DHX8: variants seen among roughly 807,000 people sequenced by gnomAD.
DHX8 encodes ATP-dependent RNA helicase DHX8.
Under a neutral mutation model 140.7 loss-of-function variants are expected in DHX8, and 67 were observed. That is an observed-to-expected ratio of 0.48 (90% CI 0.39 to 0.58). The LOEUF (loss-of-function observed/expected upper bound fraction) is 0.58. Among genes scored for constraint, DHX8 ranks in the 20% least tolerant of loss-of-function variants. DHX8 has a pLI of 0.00. For missense variants in DHX8, 887 were observed against 1,550.7 expected (o/e 0.57, Z 7.19); for synonymous variants, 533 against 553.2 (o/e 0.96, Z 0.51).
rs148196471 is a variant in DHX8, at chr17:43,494,194, G to A, written c.1212+308G>A. ...TTTTTAAAACCATCAGATCTCATGA[G>A]ACTTACTCACTATCGTGACAACAGC... On this transcript the variant is annotated intron_variant, in intron 8 of 22. Coordinates refer to ENST00000262415, the MANE Select transcript of DHX8 (RefSeq NM_004941.3). Among the ~76,000 whole-genome samples the A allele has an allele frequency of 6.6e-5, 10 of 152,294 alleles. No homozygotes were observed. In the East Asian group the frequency reaches 1.9e-3, roughly 29 times the overall value.
intron 3 of DHX8, among the ~76,000 whole-genome samples, chr17:43,541,820 C>T (rs952790556): frequency 3.9e-5 from 6 of 152,060 alleles, no homozygotes; most frequent in Non-Finnish European, 7.4e-5. Flanking sequence ...ACATATTTGT[C>T]CCCAAGAGTC....
downstream of DHX8, among the ~76,000 whole-genome samples, chr17:43,530,609 CGTGT>C (rs58803566): frequency 2.0e-4 from 24 of 119,070 alleles, no homozygotes; most frequent in African/African-American, 3.6e-4. Flanking sequence ...TGCACGCGCG[CGTGT>C]GTGTGTGTGT....
chr17:43,529,012 C>T, downstream of DHX8: 1 of 979,362 alleles, frequency 1.0e-6, no homozygotes, highest in Non-Finnish European at 1.6e-6. Flanking sequence ...TTTCTTGTCT[C>T]TCTGACTGAT....
At chr17:43,520,011 C>T (rs1598175175) in intron 18 of DHX8, 119 bp from the exon 19 acceptor site, 1 of 1,129,304 alleles carries the variant, frequency 8.9e-7, no homozygotes, top group Admixed American at 1.9e-5. Context: ...GCCAGTCTCA[C>T]CGGTGGCTTC....
Position 43,493,848 on chromosome 17 carries a change from A to G in DHX8, c.1174A>G (p.Thr392Ala), listed in dbSNP as rs1247312368. The G allele has an allele frequency of 6.2e-7, 1 of 1,614,210 alleles. No individual in the cohort carries two copies. ...EDDSLERKRL[T>A]RISDPEKWEI... Reference sequence around the variant, plus strand: ...CGACTCACTGGAACGCAAGCGCCTCACCCGAATCTCTGACCCAGAGAAGTG... The same window carrying G: ...CGACTCACTGGAACGCAAGCGCCTCGCCCGAATCTCTGACCCAGAGAAGTG... The change falls in exon 8 of 23, where the codon ACC (threonine) becomes GCC (alanine). Residue 392 changes from threonine (T) to alanine (A), a missense_variant. Physicochemically the swap from Thr to Ala is moderately conservative, Grantham distance 58 (BLOSUM62 0). Around this residue, in one of 9 missense-constraint regions of DHX8, gnomAD observed 98 missense variants for 152.7 expected, o/e 0.64. Transcript: ENST00000262415.
chr17:43,507,148 C>T lies in DHX8; in HGVS notation c.1874C>T (p.Ser625Leu), dbSNP rs1224376453. Reference sequence around the variant, plus strand: ...CAGCCCAGAAGAGTGGCAGCTATGTCGGTGGCCAAAAGAGTGTCAGAGGAG... The same window carrying T: ...CAGCCCAGAAGAGTGGCAGCTATGTTGGTGGCCAAAAGAGTGTCAGAGGAG... ...CTQPRRVAAMSVAKRVSEEFG... is the reference protein window; with the variant it reads ...CTQPRRVAAMLVAKRVSEEFG... The change falls in exon 13 of 23, where the codon TCG (serine) becomes TTG (leucine). Residue 625 changes from serine (S) to leucine (L), a missense_variant. By Grantham distance (145) the Ser-to-Leu change is moderately radical. Coordinates refer to ENST00000262415, the MANE Select transcript of DHX8 (RefSeq NM_004941.3). The T allele has an allele frequency of 6.2e-7, 1 of 1,613,820 alleles. No homozygotes were observed. The highest frequency in any genetic ancestry group is 8.5e-7 in the Non-Finnish European group (1 of 1,180,010).
chr17:43,493,271 C>T (rs1288613905), intron 6 of DHX8, among the ~76,000 whole-genome samples, 174 bp from the exon 7 acceptor site: 1 of 152,214 alleles, frequency 6.6e-6, no homozygotes, highest in Non-Finnish European at 1.5e-5. Context: ...TGCTTCCCCA[C>T]CCCATGTCTC....
In DHX8 at chr17:43,504,786, G is replaced by C; in HGVS notation, c.1689G>C (p.Glu563Asp). 6.2e-7 allele frequency: 1 copy of C among 1,614,156 alleles called. No individual in the cohort carries two copies. Among genetic ancestry groups the C allele is most frequent in the Non-Finnish European group, 8.5e-7 (1 of 1,180,036 alleles). Residue 563 changes from glutamate (E) to aspartate (D), a missense_variant, in exon 12 of 23, where the codon GAG becomes GAC. Around this residue, in one of 9 missense-constraint regions of DHX8, gnomAD observed 178 missense variants for 398.5 expected, o/e 0.45. Transcript: ENST00000262415. Reference sequence around the variant, plus strand: ...AGATGTCAATCCTTGAGCAGAGGGAGAGCCTGCCCATCTACAAACTGAAGG... The same window carrying C: ...AGATGTCAATCCTTGAGCAGAGGGACAGCCTGCCCATCTACAAACTGAAGG... ...KTQMSILEQR[E>D]SLPIYKLKEQ...
downstream of DHX8, chr17:43,528,852 C>CG: frequency 1.2e-6 from 1 of 834,556 alleles, no homozygotes; most frequent in Non-Finnish European, 1.9e-6. Context: ...GGCAGATGCT[C>CG]GGGGCATTTC....
At chr17:43,485,386 C>T (rs1466671302) in intron 1 of DHX8, among the ~76,000 whole-genome samples, 1 of 152,098 alleles carries the variant, frequency 6.6e-6, no homozygotes, top group Non-Finnish European at 1.5e-5. Context: ...TGAAGTGGGA[C>T]GATGTCTTCA....
intron 2 of DHX8, 59 bp downstream of exon 2, chr17:43,489,593 G>T (rs1242053086): frequency 2.3e-6 from 3 of 1,301,138 alleles, no homozygotes; most frequent in African/African-American, 3.0e-5. Context: ...ATGTTTGTTT[G>T]TTTGTTTTTT....
At chr17:43,498,349 G>A (rs138476266) in intron 9 of DHX8, among the ~76,000 whole-genome samples, 86 of 152,026 alleles carry the variant, frequency 5.7e-4, no homozygotes, top group Non-Finnish European at 1.0e-3. Flanking sequence ...GTTTCACCAT[G>A]TTGACCAGGC....
At position 43,489,522 on chromosome 17, in the gene DHX8, T is replaced by A; in HGVS notation, c.222T>A (p.Gly74=). The A allele has an allele frequency of 6.2e-7, 1 of 1,607,894 alleles. No homozygotes were observed. The highest frequency in any genetic ancestry group is 8.5e-7 in the Non-Finnish European group (1 of 1,174,450). Residue 74 remains glycine, a synonymous_variant, in exon 2 of 23, where the codon GGT becomes GGA. Coordinates refer to ENST00000262415, the MANE Select transcript of DHX8 (RefSeq NM_004941.3). The part of the protein sequence containing the change: ...DTFKASLVKN[G]AEFTDSLISN... ...TTAAGGCTTCTCTCGTCAAAAATGG[T>A]GCAGAATTTACGGTATGTATATGTG... is the stretch of plus-strand genomic sequence containing the variant.
chr17:43,502,209 G>C (rs1052866642), intron 11 of DHX8, among the ~76,000 whole-genome samples: 1 of 152,128 alleles, frequency 6.6e-6, no homozygotes, highest in Admixed American at 6.6e-5. Flanking sequence ...CAGAAGTTTG[G>C]GAATTGTGTT....
At chr17:43,489,409 T>A (rs763225116) in intron 1 of DHX8, 40 bp from the exon 2 acceptor site, 2 of 1,360,996 alleles carry the variant, frequency 1.5e-6, no homozygotes, top group Non-Finnish European at 2.1e-6. Context: ...GATTTCTTGT[T>A]CATGTCTCTT....
Position 43,499,994 on chromosome 17 carries a change from G to T in DHX8, c.1437G>T (p.Gln479His). 6.2e-7 allele frequency: 1 copy of T among 1,614,172 alleles called. No homozygotes were observed. The highest frequency in any genetic ancestry group is 1.7e-4 in the Middle Eastern group (1 of 6,060). Residue 479 changes from glutamine to histidine, a missense_variant, in exon 11 of 23, where the codon CAG becomes CAT. Transcript: ENST00000262415. ...DGSLSQAAMMQSALAKERREL... is the reference protein window; with the variant it reads ...DGSLSQAAMMHSALAKERREL... Reference sequence around the variant, plus strand: ...CCCTCTCCCAAGCAGCAATGATGCAGAGTGCCTTGGCCAAAGAAAGGCGGG... The same window carrying T: ...CCCTCTCCCAAGCAGCAATGATGCATAGTGCCTTGGCCAAAGAAAGGCGGG...
chr17:43,496,074 G>T (rs999918693), intron 8 of DHX8, 107 bp from the exon 9 acceptor site: 2 of 787,266 alleles, frequency 2.5e-6, no homozygotes, highest in Non-Finnish European at 4.2e-6. Context: ...CTTCAGCCTG[G>T]GTGACAGAGC....
chr17:43,526,433 C>T (rs1567702245), downstream of DHX8: 2 of 1,531,864 alleles, frequency 1.3e-6, no homozygotes, highest in African/African-American at 1.4e-5. Context: ...GGGTCAGGCT[C>T]CTCGGTCCAG....
chr17:43,512,074 A>C (rs1969874312), intron 16 of DHX8, among the ~76,000 whole-genome samples: 1 of 152,018 alleles, frequency 6.6e-6, no homozygotes, highest in Admixed American at 6.6e-5. Flanking sequence ...TTTCTCTTGG[A>C]CATATACCTA....
Sources: gnomAD v4.1 joint callset for allele counts (sites outside exome capture counted in the v4.1 genomes callset) on GRCh38, gnomAD v4.1.1 for gene constraint, gnomAD v4.1.1 regional missense constraint, MANE v1.5 for transcripts, NCBI Gene and HGNC (gene_info 2026-07-23, HGNC 2026-07-21) for gene names.